Variants in RAD51AP2 observed in about 807,000 individuals in gnomAD.
RAD51AP2 encodes the protein RAD51-associated protein 2.
In RAD51AP2, 67 loss-of-function variants were observed where a neutral mutation model predicts 85.5. That is an observed-to-expected ratio of 0.78 (90% CI 0.64 to 0.96). The LOEUF (loss-of-function observed/expected upper bound fraction) is 0.96, where lower values mean the gene tolerates loss of function less well. Among genes scored for constraint, RAD51AP2 ranks in the 40% least tolerant of loss-of-function variants. The pLI, the probability that RAD51AP2 is intolerant of heterozygous loss-of-function variation, is 0.00. For synonymous variants in RAD51AP2, 474 were observed against 446.5 expected, an observed-to-expected ratio of 1.06 and a Z score of -0.78; for missense variants, 1,307 against 1,332.4, an observed-to-expected ratio of 0.98 and a Z score of 0.30.
At chr2:17,511,940 T>G (rs548797352) in intron 2 of RAD51AP2, among the ~76,000 whole-genome samples, 6 of 152,164 alleles carry the variant, frequency 3.9e-5, no homozygotes, top group Admixed American at 1.3e-4. Flanking sequence ...TATTGCTAGA[T>G]CTTTTAAAAA....
In RAD51AP2 at chr2:17,517,512, T is replaced by C. The variant is rs769717547; in HGVS notation, c.904A>G (p.Arg302Gly). Residue 302 changes from arginine to glycine, a missense_variant, in exon 1 of 3, where the codon AGA becomes GGA. Physicochemically the swap from Arg to Gly is moderately radical, Grantham distance 125. This residue lies in a region of RAD51AP2 where 635 missense variants were observed against 643.6 expected (regional missense o/e 0.99). Coordinates refer to ENST00000399080, the MANE Select transcript of RAD51AP2 (RefSeq NM_001099218.3). The part of the protein sequence containing the change: ...DFTNIYWSQN[R>G]PDVKKQKLQN... The stretch of plus-strand genomic sequence containing the variant: ...AACTTTTGCTTCTTAACATCAGGTC[T>C]ATTTTGGGACCAGTAAATGTTTGTG... The C allele has an allele frequency of 6.2e-7, 1 of 1,613,816 alleles. No individual in the cohort carries two copies. Among genetic ancestry groups the C allele is most frequent in the East Asian group, 2.2e-5 (1 of 44,862 alleles).
chr2:17,517,136 T>C lies in RAD51AP2; in HGVS notation c.1280A>G (p.Glu427Gly). 1 of 1,609,494 alleles carries C rather than the reference T, an allele frequency of 6.2e-7. No individual in the cohort carries two copies. Among genetic ancestry groups the C allele is most frequent in the Non-Finnish European group, 8.5e-7 (1 of 1,178,344 alleles). Reference protein sequence around the residue: ...KTKCENMKKTEEKWNWLLLLE... With the variant: ...KTKCENMKKTGEKWNWLLLLE... ...TAATAATAGCCAATTCCATTTTTCT[T>C]CAGTTTTTTTCATATTTTCACATTT... The change falls in exon 1 of 3, where the codon GAA becomes GGA. Residue 427 changes from glutamate to glycine, a missense_variant. Physicochemically the swap from Glu to Gly is moderately conservative, Grantham distance 98. Transcript: ENST00000399080.
In RAD51AP2 at chr2:17,513,237, CT is replaced by C. The variant is rs11394351; in HGVS notation, c.3328+774del. Reference sequence around the variant, plus strand: ...TTGTTTAATTTTTCTTTAGTGTGTGCTTTTTTTTTTTTTTTTTTTTGACAGA... The same window carrying C: ...TTGTTTAATTTTTCTTTAGTGTGTGCTTTTTTTTTTTTTTTTTTTGACAGA... On this transcript the variant is annotated intron_variant, in intron 2 of 2. Transcript: ENST00000399080. Among the ~76,000 whole-genome samples, 240 of 111,220 alleles carry C rather than the reference CT, an allele frequency of 2.2e-3. 1 individual carries two copies. Among genetic ancestry groups the C allele is most frequent in the African/African-American group, 4.2e-3 (128 of 30,176 alleles). 73.0% of individuals were successfully genotyped at this position (111,220 alleles called of 152,430 possible). A position where few individuals can be genotyped will look rare whatever the true frequency, so the allele number is the denominator to read the frequency against.
chr2:17,514,240 T>A, intron 1 of RAD51AP2, 148 bp from the exon 2 acceptor site: 2 of 755,366 alleles, frequency 2.6e-6, no homozygotes, highest in African/African-American at 1.8e-5. Context: ...AGCTCCTTTT[T>A]AAAATTAACT....
chr2:17,524,747 T>C, the RAD51AP2 span, among the ~76,000 whole-genome samples: 13 of 151,934 alleles, frequency 8.6e-5, no homozygotes, highest in Admixed American at 2.0e-4. Context: ...GGACCTACCA[T>C]ATGATAGACA....
At chr2:17,519,587 A>T (rs1212765138), upstream of RAD51AP2, among the ~76,000 whole-genome samples, 1 of 152,176 alleles carries the variant, frequency 6.6e-6, no homozygotes, top group Non-Finnish European at 1.5e-5. Flanking sequence ...AGGTAATAAG[A>T]TGTTCACCAG....
intron 1 of RAD51AP2, 57 bp downstream of exon 1, chr2:17,515,112 G>GA (rs922364578): frequency 1.4e-6 from 2 of 1,410,494 alleles, no homozygotes; most frequent in Non-Finnish European, 1.9e-6. Context: ...GGCCTACACA[G>GA]AAAAAAGCAG....
At chr2:17,533,544 A>T in the RAD51AP2 span, among the ~76,000 whole-genome samples, 79 of 152,296 alleles carry the variant, frequency 5.2e-4, 1 homozygote, top group African/African-American at 1.8e-3. Context: ...GTGATTGTAA[A>T]AACTTTTCTT....
the RAD51AP2 span, among the ~76,000 whole-genome samples, chr2:17,524,363 C>T: frequency 3.3e-5 from 5 of 151,872 alleles, no homozygotes; most frequent in African/African-American, 1.2e-4. Context: ...GGGAGACAGA[C>T]TTATAGTTTA....
At chr2:17,524,684 T>C in the RAD51AP2 span, among the ~76,000 whole-genome samples, 1 of 151,932 alleles carries the variant, frequency 6.6e-6, no homozygotes, top group Non-Finnish European at 1.5e-5. Context: ...ATTAGCTCTT[T>C]AAGACTTGGG....
chr2:17,520,616 A>G (rs1191195667), upstream of RAD51AP2, among the ~76,000 whole-genome samples: 1 of 152,128 alleles, frequency 6.6e-6, no homozygotes, highest in Non-Finnish European at 1.5e-5. Context: ...TTCATGAGAT[A>G]AACCCCATAC....
At chr2:17,536,389 T>A in the RAD51AP2 span, among the ~76,000 whole-genome samples, 1 of 152,246 alleles carries the variant, frequency 6.6e-6, no homozygotes, top group Non-Finnish European at 1.5e-5. Flanking sequence ...GCAATTCTGT[T>A]ATCATCATTT....
Position 17,517,117 on chromosome 2 carries a change from T to C in RAD51AP2, c.1299A>G (p.Leu433=). 1 of 1,611,742 alleles carries C rather than the reference T, an allele frequency of 6.2e-7. No homozygotes were observed. The highest frequency in any genetic ancestry group is 8.5e-7 in the Non-Finnish European group (1 of 1,178,966). ...MKKTEEKWNW[L]LLLEIDLLSK... ...TTAAAAGGTCTATTTCTAATAATAA[T>C]AGCCAATTCCATTTTTCTTCAGTTT... The change falls in exon 1 of 3, where the codon CTA becomes CTG. Residue 433 remains leucine (L), a synonymous_variant. Transcript: ENST00000399080.
chr2:17,520,281 T>C (rs1389337774), upstream of RAD51AP2, among the ~76,000 whole-genome samples: 1 of 152,182 alleles, frequency 6.6e-6, no homozygotes, highest in Non-Finnish European at 1.5e-5. Flanking sequence ...CAATGGCTAT[T>C]GAAACCACTA....
chr2:17,519,488 TATA>T (rs1311361360), upstream of RAD51AP2, among the ~76,000 whole-genome samples: 1 of 152,162 alleles, frequency 6.6e-6, no homozygotes, highest in Non-Finnish European at 1.5e-5. Context: ...TGCTAAAATT[TATA>T]ATAACTACAA....
At chr2:17,532,710 A>G in the RAD51AP2 span, among the ~76,000 whole-genome samples, 2 of 152,152 alleles carry the variant, frequency 1.3e-5, no homozygotes, top group African/African-American at 4.8e-5. Flanking sequence ...AACTAGATAG[A>G]TAGATGGATA....
chr2:17,522,458 A>G, upstream of RAD51AP2, among the ~76,000 whole-genome samples: 1 of 151,890 alleles, frequency 6.6e-6, no homozygotes, highest in Non-Finnish European at 1.5e-5. Context: ...TTTAACTTCT[A>G]AATTTCTCCG....
intron 2 of RAD51AP2, among the ~76,000 whole-genome samples, chr2:17,512,613 A>G (rs1269242351): frequency 6.6e-6 from 1 of 152,190 alleles, no homozygotes; most frequent in Non-Finnish European, 1.5e-5. Context: ...TATTATCACA[A>G]TTATAATCAC....
At position 17,516,660 on chromosome 2, in the gene RAD51AP2, A is replaced by G. The variant is rs1289270313; in HGVS notation, c.1756T>C (p.Phe586Leu). Reference sequence around the variant, plus strand: ...AAAGAGTCAAAGTTATTGAGCAAAAAAGCTATGTTAGTTTTCAATAGAATA... The same window carrying G: ...AAAGAGTCAAAGTTATTGAGCAAAAGAGCTATGTTAGTTTTCAATAGAATA... ...LDILLKTNIA[F>L]LLNNFDSLTR... The change falls in exon 1 of 3, where the codon TTT becomes CTT. Residue 586 changes from phenylalanine to leucine, a missense_variant. Phe to Leu is a conservative substitution (Grantham distance 22). Transcript: ENST00000399080. 3 of 1,569,956 alleles carry G rather than the reference A, an allele frequency of 1.9e-6. No homozygotes were observed. Among genetic ancestry groups the G allele is most frequent in the Non-Finnish European group, 2.6e-6 (3 of 1,160,430 alleles).
Sources: allele counts gnomAD v4.1 joint callset (sites outside exome capture counted in the v4.1 genomes callset), GRCh38; gene constraint gnomAD v4.1.1; regional missense constraint gnomAD v4.1.1; transcripts MANE v1.5; gene names NCBI Gene and HGNC (gene_info 2026-07-23, HGNC 2026-07-21).